Variants in ZFHX2 observed in about 807,000 individuals in gnomAD.
The protein encoded by ZFHX2 is zinc finger homeobox 2.
ZFHX2 carries 75 observed loss-of-function variants against 164.8 expected under a neutral mutation model. The observed-to-expected ratio is 0.46, with a 90% CI of 0.38 to 0.55. ZFHX2 has a LOEUF of 0.55. Ranked by LOEUF, ZFHX2 falls within the 20% of genes least tolerant of loss-of-function variation. ZFHX2 has a pLI of 0.00. For missense variants in ZFHX2, 2,933 were observed against 3,308.0 expected, an observed-to-expected ratio of 0.89 and a Z score of 2.78; for synonymous variants, 1,217 against 1,351.4, an observed-to-expected ratio of 0.90 and a Z score of 2.18.
chr14:23,531,562 G>C lies in ZFHX2; in HGVS notation c.2719C>G (p.Gln907Glu). 3 of 1,524,438 alleles carry C rather than the reference G, an allele frequency of 2.0e-6. No individual in the cohort carries two copies. The highest frequency in any genetic ancestry group is 1.8e-6 in the Non-Finnish European group (2 of 1,139,630). The allele number at this position is 1,524,438 out of a possible 1,614,324, so 94.4% of individuals were successfully genotyped here. The change falls in exon 4 of 10, where the codon CAG becomes GAG. Residue 907 changes from glutamine to glutamate, a missense_variant. Physicochemically the swap from Gln to Glu is conservative, Grantham distance 29. Transcript: ENST00000419474. ...CCTTCCTCAGTGGTTGGGCCATTCT[G>C]TAGCAGCTGCAGACGCCTCTGGGCC... ...AQAQRRLQLL[Q>E]NGPTTEEGLA...
In ZFHX2 at chr14:23,526,719, C is replaced by T. The variant is rs45503996; in HGVS notation, c.3263-40G>A. ...AGAAAGTACAATGAGGAGGGAACTTCGTTTAAGCCAGACCCCACCCACTCA... is the reference window on the plus strand; with the variant it reads ...AGAAAGTACAATGAGGAGGGAACTTTGTTTAAGCCAGACCCCACCCACTCA... On this transcript the variant is annotated intron_variant, in intron 8 of 9. Coordinates refer to ENST00000419474, the MANE Select transcript of ZFHX2 (RefSeq NM_033400.3). 9.2e-3 allele frequency: 14,081 copies of T among 1,535,600 alleles called. 94 individuals carry two copies. The highest frequency in any genetic ancestry group is 0.011 in the Non-Finnish European group (12,852 of 1,146,706).
At chr14:23,542,871 G>C (rs1330930527) in intron 1 of ZFHX2, 1 of 152,108 alleles carries the variant, frequency 6.6e-6, no homozygotes, top group Non-Finnish European at 1.5e-5. Flanking sequence ...GAGTAGCTGG[G>C]ATTACAGGCG....
chr14:23,555,444 C>T (rs948594339), upstream of ZFHX2, among the ~76,000 whole-genome samples: 7 of 152,186 alleles, frequency 4.6e-5, no homozygotes, highest in African/African-American at 1.2e-4. Context: ...TTACGTACCA[C>T]CCAGGTGCTC....
chr14:23,554,038 CAAAAAAAAAAAA>C (rs61363455), upstream of ZFHX2, among the ~76,000 whole-genome samples: 1 of 36,040 alleles, frequency 2.8e-5, no homozygotes, highest in Admixed American at 3.5e-4. Flanking sequence ...GACTCTGTCT[CAAAAAAAAAAAA>C]AAAAAAAAAA....
At chr14:23,550,134 GA>G (rs1881803750) in intron 1 of ZFHX2, among the ~76,000 whole-genome samples, 1 of 152,246 alleles carries the variant, frequency 6.6e-6, no homozygotes, top group African/African-American at 2.4e-5. Context: ...CATGAGACCA[GA>G]AGGTGAGGTT....
At chr14:23,537,421 CCT>C (rs1193870837) in intron 1 of ZFHX2, among the ~76,000 whole-genome samples, 13 of 152,126 alleles carry the variant, frequency 8.5e-5, no homozygotes, top group African/African-American at 2.9e-4. Context: ...AGGGGCGTGG[CCT>C]CTCTTTTCCT....
chr14:23,551,891 G>A (rs1466493097), upstream of ZFHX2, among the ~76,000 whole-genome samples: 1 of 152,208 alleles, frequency 6.6e-6, no homozygotes, highest in East Asian at 1.9e-4. The surrounding 1 kb of genome is among the most constrained non-coding windows in gnomAD (Gnocchi z 5.3). Flanking sequence ...CAGGGCCGGG[G>A]GCAGGCCGGC....
Position 23,551,109 on chromosome 14 carries a change from A to C in ZFHX2, c.-50+234T>G, listed in dbSNP as rs1366921809. Reference sequence around the variant, plus strand: ...CATCTCTCTTCCCCCATCCTCGCGCACGCCCTCTTCCTCCCACACCCCTGT... The same window carrying C: ...CATCTCTCTTCCCCCATCCTCGCGCCCGCCCTCTTCCTCCCACACCCCTGT... On this transcript the variant is annotated intron_variant, in intron 1 of 9. Transcript: ENST00000419474. The surrounding 1 kb of genome is among the most constrained non-coding windows in gnomAD (Gnocchi z 5.3). Among the ~76,000 whole-genome samples the C allele has an allele frequency of 4.0e-5, 5 of 124,532 alleles. No individual in the cohort carries two copies. The highest frequency in any genetic ancestry group is 7.0e-5 in the Non-Finnish European group (4 of 57,226). 81.7% of individuals were successfully genotyped at this position (124,532 alleles called of 152,430 possible). A position where few individuals can be genotyped will look rare whatever the true frequency, so the allele number is the denominator to read the frequency against.
intron 1 of ZFHX2, among the ~76,000 whole-genome samples, chr14:23,544,887 C>T (rs1881223746): frequency 6.6e-6 from 1 of 152,108 alleles, no homozygotes; most frequent in Non-Finnish European, 1.5e-5. Flanking sequence ...TTCTGCTCCT[C>T]CTACCAGGTT....
chr14:23,548,776 C>T (rs1881650358), intron 1 of ZFHX2, among the ~76,000 whole-genome samples: 1 of 152,184 alleles, frequency 6.6e-6, no homozygotes, highest in Non-Finnish European at 1.5e-5. Flanking sequence ...CTCTCTTGGG[C>T]ATTTCTCTCT....
rs1334197518 is a variant in ZFHX2 at position 23,524,104 on chromosome 14, T to G, written c.5838A>C (p.Leu1946Phe). 1 of 1,534,332 alleles carries G rather than the reference T, an allele frequency of 6.5e-7. No individual in the cohort carries two copies. Among genetic ancestry groups the G allele is most frequent in the Non-Finnish European group, 8.7e-7 (1 of 1,146,040 alleles). Reference sequence around the variant, plus strand: ...CAGTGCCATCATCTACCTTGCCTAATAAGAGGTTGAACTTGGGCAAGGATG... The same window carrying G: ...CAGTGCCATCATCTACCTTGCCTAAGAAGAGGTTGAACTTGGGCAAGGATG... ...TPASLPKFNL[L>F]LGKVDDGTGR... The change falls in exon 9 of 10, where the codon TTA becomes TTC. Residue 1946 changes from leucine to phenylalanine, a missense_variant. Coordinates refer to ENST00000419474, the MANE Select transcript of ZFHX2 (RefSeq NM_033400.3). The surrounding 1 kb of genome is among the most constrained non-coding windows in gnomAD (Gnocchi z 5.6).
intron 1 of ZFHX2, among the ~76,000 whole-genome samples, chr14:23,540,928 CAG>C (rs1407696750): frequency 2.0e-5 from 3 of 151,220 alleles, no homozygotes; most frequent in East Asian, 1.9e-4. Context: ...TTTTTTGAGA[CAG>C]AGTCTCGCTC....
At chr14:23,550,599 G>A (rs1406532023) in intron 1 of ZFHX2, among the ~76,000 whole-genome samples, 1 of 152,160 alleles carries the variant, frequency 6.6e-6, no homozygotes, top group Non-Finnish European at 1.5e-5. Flanking sequence ...AGATCAGCGG[G>A]GCTACAGGCA....
In ZFHX2 at chr14:23,521,732, G is replaced by A. The variant is rs1338145708; in HGVS notation, c.*230C>T. The A allele has an allele frequency of 4.3e-6, 3 of 693,214 alleles. No individual in the cohort carries two copies. The highest frequency in any genetic ancestry group is 7.0e-5 in the Admixed American group (2 of 28,518). The allele number at this position is 693,214 out of a possible 1,614,324, so 42.9% of individuals were successfully genotyped here. ...GTGAAGATGGGCAAGGGCTACATCT[G>A]CAAGGAGCTGAGGAGGAGGATCAAT... On this transcript the variant is annotated 3_prime_UTR_variant, in exon 10 of 10. Coordinates refer to ENST00000419474, the MANE Select transcript of ZFHX2 (RefSeq NM_033400.3).
chr14:23,523,814 G>T lies in ZFHX2; in HGVS notation c.6128C>A (p.Ser2043Tyr). Residue 2043 changes from serine (S) to tyrosine (Y), a missense_variant, in exon 9 of 10, where the codon TCC (serine) becomes TAC (tyrosine). Ser to Tyr is a moderately radical substitution (Grantham distance 144). Transcript: ENST00000419474. This position sits in a 1 kb window ranked among gnomAD's most constrained non-coding sequence, Gnocchi z 4.1. ...CCCACTGGTCCCTCCAGCCCCAGGGGATTCTGGTTCAGCTAGGCTGGAAGC... is the reference window on the plus strand; with the variant it reads ...CCCACTGGTCCCTCCAGCCCCAGGGTATTCTGGTTCAGCTAGGCTGGAAGC... ...SSASSLAEPE[S>Y]PGAGGTSGGP... 1 of 1,536,240 alleles carries T rather than the reference G, an allele frequency of 6.5e-7. No individual in the cohort carries two copies. The highest frequency in any genetic ancestry group is 8.7e-7 in the Non-Finnish European group (1 of 1,146,926).
intron 4 of ZFHX2, 108 bp downstream of exon 4, chr14:23,531,373 A>G: frequency 7.5e-7 from 1 of 1,325,424 alleles, no homozygotes; most frequent in Non-Finnish European, 9.7e-7. Flanking sequence ...TAGGTGGCCT[A>G]CAGGCCCTCT....
intron 1 of ZFHX2, among the ~76,000 whole-genome samples, chr14:23,544,451 A>G (rs766867207): frequency 7.2e-5 from 11 of 152,106 alleles, no homozygotes; most frequent in Non-Finnish European, 1.5e-4. Flanking sequence ...TTTTGATTGT[A>G]TGTGGGGCAG....
At chr14:23,548,055 GC>G (rs1313536687) in intron 1 of ZFHX2, among the ~76,000 whole-genome samples, 2 of 152,010 alleles carry the variant, frequency 1.3e-5, no homozygotes, top group African/African-American at 4.8e-5. Flanking sequence ...CACTCACACA[GC>G]CCCGATCCCT....
rs1168476446 is a variant in ZFHX2 at position 23,546,976 on chromosome 14, C to G, written c.-50+4367G>C. On this transcript the variant is annotated intron_variant, in intron 1 of 9. Transcript: ENST00000419474. The surrounding 1 kb of genome is among the most constrained non-coding windows in gnomAD (Gnocchi z 4.7). ...CTCCCCTGTCTTCTTTTGTAGATTT[C>G]TCAACCCATTCAGGGGCTTTTTGGC... Among the ~76,000 whole-genome samples, 3 of 152,220 alleles carry G rather than the reference C, an allele frequency of 2.0e-5. No individual in the cohort carries two copies. Among genetic ancestry groups the G allele is most frequent in the Non-Finnish European group, 4.4e-5 (3 of 68,038 alleles).
Sources: gnomAD v4.1 joint callset for allele counts (sites outside exome capture counted in the v4.1 genomes callset) on GRCh38, gnomAD v4.1.1 for gene constraint, Gnocchi (gnomAD v3.1) non-coding constraint, MANE v1.5 for transcripts, NCBI Gene and HGNC (gene_info 2026-07-23, HGNC 2026-07-21) for gene names.